Variants in MAST4 observed in about 807,000 individuals in gnomAD.
The protein encoded by MAST4 is microtubule-associated serine/threonine-protein kinase 4.
Under a neutral mutation model 162.7 loss-of-function variants are expected in MAST4, and 89 were observed. The ratio of observed to expected loss-of-function variants is 0.55; its 90% CI spans 0.46 to 0.65. The LOEUF (loss-of-function observed/expected upper bound fraction) is 0.65, where lower values mean the gene tolerates loss of function less well. Among genes scored for constraint, MAST4 ranks in the 30% least tolerant of loss-of-function variants. The pLI is 0.00. For missense variants in MAST4, 3,153 were observed against 3,374.0 expected (o/e 0.93, Z 1.62); for synonymous variants, 1,479 against 1,361.1 (o/e 1.09, Z -1.91).
At chr5:66,938,381 A>G (rs1477917166) in intron 4 of MAST4, among the ~76,000 whole-genome samples, 2 of 152,184 alleles carry the variant, frequency 1.3e-5, no homozygotes, top group Non-Finnish European at 2.9e-5. Context: ...ATTTAAGTGA[A>G]AGCTTCTTGC....
At chr5:67,094,598 A>T (rs1764229950) in intron 6 of MAST4, among the ~76,000 whole-genome samples, 1 of 152,162 alleles carries the variant, frequency 6.6e-6, no homozygotes, top group African/African-American at 2.4e-5. Flanking sequence ...TAGAACATTC[A>T]AAATGTTCTG....
chr5:66,735,610 A>G (rs2149562650), intron 1 of MAST4, among the ~76,000 whole-genome samples: 1 of 152,274 alleles, frequency 6.6e-6, no homozygotes, highest in East Asian at 1.9e-4. Context: ...ATGCGCTTTG[A>G]CAATTTGTGG....
rs946860214 is a variant in MAST4, at chr5:67,086,708, A to G, written c.764-3454A>G. On this transcript the variant is annotated intron_variant, in intron 5 of 28. Coordinates refer to ENST00000403625, the MANE Select transcript of MAST4 (RefSeq NM_001164664.2). ...TATGGGCAGAGAATTAACTGGCACC[A>G]GTTTTCATTTGGGAGTCTCTCAGGT... Among the ~76,000 whole-genome samples, 6 of 152,212 alleles carry G rather than the reference A, an allele frequency of 3.9e-5. No individual in the cohort carries two copies. The South Asian group carries it at 8.3e-4, about 21-fold the overall frequency.
At position 67,166,068 on chromosome 5, in the gene MAST4, G is replaced by A. The variant is rs372756888; in HGVS notation, c.6889G>A (p.Val2297Met). 2.5e-6 allele frequency: 4 copies of A among 1,613,662 alleles called. No homozygotes were observed. The highest frequency in any genetic ancestry group is 3.4e-6 in the Non-Finnish European group (4 of 1,179,784). ...CACCAGTGGTGGGCGGCCCCTGGAG[G>A]TGCTGGAGAAGCCTGTGCATTTGCC... ...QPTSGGRPLE[V>M]LEKPVHLPRP... The change falls in exon 29 of 29, where the codon GTG (valine) becomes ATG (methionine). Residue 2297 changes from valine to methionine, a missense_variant. Physicochemically the swap from Val to Met is conservative, Grantham distance 21 (BLOSUM62 1). This residue lies in a region of MAST4 where 1,644 missense variants were observed against 1,495.0 expected (regional missense o/e 1.10). Transcript: ENST00000403625.
chr5:66,923,334 C>A (rs910680193), intron 4 of MAST4, among the ~76,000 whole-genome samples: 1 of 152,162 alleles, frequency 6.6e-6, no homozygotes, highest in African/African-American at 2.4e-5. Context: ...AAAGCATTGT[C>A]GTCTTGGGAT....
chr5:66,826,326 A>T (rs1396677526), intron 3 of MAST4, among the ~76,000 whole-genome samples: 1 of 152,000 alleles, frequency 6.6e-6, no homozygotes, highest in African/African-American at 2.4e-5. Context: ...TTATCTCAAA[A>T]TATTCCTTTG....
chr5:67,120,643 G>A (rs1767468385), intron 13 of MAST4, among the ~76,000 whole-genome samples: 1 of 152,194 alleles, frequency 6.6e-6, no homozygotes, highest in Non-Finnish European at 1.5e-5. Flanking sequence ...AGAGCCCCAT[G>A]TAGAGCCACT....
At chr5:66,604,626 G>A (rs1742761342) in intron 1 of MAST4, among the ~76,000 whole-genome samples, 1 of 152,234 alleles carries the variant, frequency 6.6e-6, no homozygotes, top group Non-Finnish European at 1.5e-5. Context: ...CACATCAGAT[G>A]TGGGTCTTTT....
rs893792935 is a variant in MAST4 at position 66,927,359 on chromosome 5, A to T, written c.674+27377A>T. Among the ~76,000 whole-genome samples, 6 of 152,368 alleles carry T rather than the reference A, an allele frequency of 3.9e-5. No homozygotes were observed. The South Asian group carries it at 1.2e-3, about 32-fold the overall frequency. ...TCACTCAGTTGGTTTCTATTTCTAT[A>T]TAAGCCTTTGACAGCTACATATCCA... On this transcript the variant is annotated intron_variant, in intron 4 of 28. Coordinates refer to ENST00000403625, the MANE Select transcript of MAST4 (RefSeq NM_001164664.2).
intron 1 of MAST4, among the ~76,000 whole-genome samples, chr5:66,756,002 A>G (rs987533113): frequency 7.2e-5 from 11 of 152,200 alleles, no homozygotes; most frequent in Admixed American, 2.6e-4. Context: ...GCATTTCTAT[A>G]GAACTGACAG....
chr5:66,906,196 T>G (rs1763341887), intron 4 of MAST4, among the ~76,000 whole-genome samples: 1 of 152,202 alleles, frequency 6.6e-6, no homozygotes, highest in Non-Finnish European at 1.5e-5. Context: ...TGTTTTAACG[T>G]CAGCTGGTCG....
intron 1 of MAST4, among the ~76,000 whole-genome samples, chr5:66,614,432 A>G (rs1743507589): frequency 6.6e-6 from 1 of 152,226 alleles, no homozygotes; most frequent in Non-Finnish European, 1.5e-5. Flanking sequence ...AAATGATAGA[A>G]TAGAAGCTAT....
intron 1 of MAST4, among the ~76,000 whole-genome samples, chr5:66,677,853 A>G (rs1385223469): frequency 6.6e-6 from 1 of 152,146 alleles, no homozygotes; most frequent in Non-Finnish European, 1.5e-5. Context: ...ACTTTAGGGC[A>G]GGGTTCTTGT....
Position 67,102,615 on chromosome 5 carries a change from A to ATGAAT in MAST4, c.1146+14_1146+18dup, listed in dbSNP as rs771574266. 6.2e-7 allele frequency: 1 copy of ATGAAT among 1,610,072 alleles called. No homozygotes were observed. The highest frequency in any genetic ancestry group is 1.1e-5 in the South Asian group (1 of 91,014). Reference sequence around the variant, plus strand: ...CTACAAAGAAAGGTTCCCAAAGGTAATGAATTGAATTGAAGATGCCTAGCA... The same window carrying ATGAAT: ...CTACAAAGAAAGGTTCCCAAAGGTAATGAATTGAATTGAATTGAAGATGCCTAGCA... On this transcript the variant is annotated splice_donor_region_variant and intron_variant, in intron 9 of 28. Transcript: ENST00000403625.
chr5:67,084,047 A>T (rs1454642996), intron 5 of MAST4, among the ~76,000 whole-genome samples: 1 of 152,198 alleles, frequency 6.6e-6, no homozygotes, highest in African/African-American at 2.4e-5. Context: ...ATTCCTGTCA[A>T]TGCCACAGCA....
intron 1 of MAST4, among the ~76,000 whole-genome samples, chr5:66,665,406 C>T (rs1289553985): frequency 1.3e-5 from 2 of 152,134 alleles, no homozygotes; most frequent in Non-Finnish European, 2.9e-5. Context: ...TCTCCAAATC[C>T]CTATTTGCCT....
chr5:66,619,513 C>T (rs946808856), intron 1 of MAST4, among the ~76,000 whole-genome samples: 7 of 152,078 alleles, frequency 4.6e-5, no homozygotes, highest in South Asian at 2.1e-4. Flanking sequence ...CTCATATACA[C>T]GGGTACAGAT....
intron 4 of MAST4, among the ~76,000 whole-genome samples, chr5:67,050,559 T>A (rs2150539085): frequency 6.6e-6 from 1 of 152,356 alleles, no homozygotes; most frequent in Middle Eastern, 3.4e-3. Context: ...TAAGTTATCT[T>A]TCTGTGTCTC....
intron 6 of MAST4, among the ~76,000 whole-genome samples, chr5:67,095,089 C>G (rs938414655): frequency 5.9e-5 from 9 of 152,176 alleles, no homozygotes; most frequent in Admixed American, 3.3e-4. Context: ...CTGAGCCAGC[C>G]ATGAGCCTAA....
Sources: allele counts gnomAD v4.1 joint callset (sites outside exome capture counted in the v4.1 genomes callset), GRCh38; gene constraint gnomAD v4.1.1; regional missense constraint gnomAD v4.1.1; transcripts MANE v1.5; gene names NCBI Gene and HGNC (gene_info 2026-07-23, HGNC 2026-07-21).